Variants in SDK1 observed in about 807,000 individuals in gnomAD.
SDK1 encodes protein sidekick-1.
A neutral mutation model predicts 245.5 loss-of-function variants in SDK1; 157 were observed. The ratio of observed to expected loss-of-function variants is 0.64; its 90% CI spans 0.56 to 0.73. SDK1 has a LOEUF of 0.73. SDK1 is among the 30% of genes least tolerant of loss of function. The pLI is 0.00. For synonymous variants in SDK1, 1,647 were observed against 1,278.5 expected, an observed-to-expected ratio of 1.29 and a Z score of -6.15; for missense variants, 3,583 against 3,002.3, an observed-to-expected ratio of 1.19 and a Z score of -4.52.
intron 1 of SDK1, among the ~76,000 whole-genome samples, chr7:3,402,181 A>G (rs189659296): frequency 6.6e-6 from 1 of 152,322 alleles, no homozygotes; most frequent in East Asian, 1.9e-4. Flanking sequence ...GTGGCTCAGT[A>G]TCCTGCACTC....
intron 40 of SDK1, among the ~76,000 whole-genome samples, chr7:4,229,663 G>T (rs150967204): frequency 2.0e-5 from 3 of 152,048 alleles, no homozygotes; most frequent in Non-Finnish European, 4.4e-5. Context: ...GAGGTGTTCA[G>T]ACCTTCTCAG....
Position 3,647,138 on chromosome 7 carries a change from C to T in SDK1, c.713+5033C>T, listed in dbSNP as rs374068634. Among the ~76,000 whole-genome samples the T allele has an allele frequency of 2.6e-5, 4 of 152,302 alleles. 1 individual carries two copies. Among genetic ancestry groups the T allele is most frequent in the African/African-American group, 2.4e-5 (1 of 41,572 alleles). ...TGGTGGCTCACACCTGTACTCCCAG[C>T]GCTCTGGGAGGCCAAAGCAGGAGGA... On this transcript the variant is annotated intron_variant, in intron 4 of 44. Coordinates refer to ENST00000404826, the MANE Select transcript of SDK1 (RefSeq NM_152744.4).
At position 4,233,317 on chromosome 7, in the gene SDK1, A is replaced by C; in HGVS notation, c.5890A>C (p.Ser1964Arg). 1 of 1,613,984 alleles carries C rather than the reference A, an allele frequency of 6.2e-7. No individual in the cohort carries two copies. The highest frequency in any genetic ancestry group is 8.5e-7 in the Non-Finnish European group (1 of 1,180,026). The change falls in exon 41 of 45, where the codon AGC becomes CGC. Residue 1964 changes from serine (S) to arginine (R), a missense_variant. Ser to Arg is a moderately radical substitution (Grantham distance 110, BLOSUM62 -1). Coordinates refer to ENST00000404826, the MANE Select transcript of SDK1 (RefSeq NM_152744.4). The part of the protein sequence containing the change: ...IPRSATSYTL[S>R]LDKLRQGVTY... ...GCGGAGCGCCACATCCTACACCCTC[A>C]GCCTGGATAAGCTCCGGCAAGGAGT... is the stretch of plus-strand genomic sequence containing the variant.
intron 4 of SDK1, among the ~76,000 whole-genome samples, chr7:3,659,744 G>A (rs976871479): frequency 7.2e-5 from 11 of 152,184 alleles, no homozygotes; most frequent in East Asian, 1.9e-4. Context: ...AAGGAGAAGC[G>A]GAGAGAATAC....
chr7:3,702,689 G>T (rs1178459293), intron 4 of SDK1, among the ~76,000 whole-genome samples: 4 of 152,192 alleles, frequency 2.6e-5, no homozygotes, highest in Admixed American at 6.5e-5. Context: ...TGTTCCCCAT[G>T]TTGGACTAGT....
chr7:4,172,423 G>A (rs762211270), intron 32 of SDK1, among the ~76,000 whole-genome samples: 2 of 152,178 alleles, frequency 1.3e-5, no homozygotes, highest in Non-Finnish European at 2.9e-5. Flanking sequence ...CCATTCTGTC[G>A]GAGAGCCTGG....
At chr7:3,685,133 A>G (rs970034379) in intron 4 of SDK1, among the ~76,000 whole-genome samples, 2 of 152,166 alleles carry the variant, frequency 1.3e-5, no homozygotes, top group Non-Finnish European at 2.9e-5. Context: ...TAAATTCGGG[A>G]AGCTGAGTGA....
intron 5 of SDK1, among the ~76,000 whole-genome samples, chr7:3,888,177 G>T (rs544656869): frequency 6.6e-5 from 10 of 152,352 alleles, no homozygotes; most frequent in Non-Finnish European, 2.9e-5. Context: ...GGCTGGCACA[G>T]ACTCCATTTG....
intron 4 of SDK1, among the ~76,000 whole-genome samples, chr7:3,644,802 A>AAAAAAAAAAAACAG (rs1297841435): frequency 6.8e-5 from 9 of 133,056 alleles, no homozygotes; most frequent in Non-Finnish European, 9.5e-5. Context: ...ACAAAAAACA[A>AAAAAAAAAAAACAG]CAACAACGGC....
At chr7:4,124,880 A>C (rs1373574571) in intron 25 of SDK1, among the ~76,000 whole-genome samples, 3 of 150,150 alleles carry the variant, frequency 2.0e-5, no homozygotes, top group Non-Finnish European at 3.0e-5. Context: ...TGGATGGTAG[A>C]TGAATGGATG....
chr7:4,233,231 C>T, intron 40 of SDK1, 24 bp from the exon 41 acceptor site: 17 of 1,604,898 alleles, frequency 1.1e-5, no homozygotes, highest in Non-Finnish European at 1.4e-5. Context: ...AACCTCTGCT[C>T]TCGCCTCCCC....
intron 44 of SDK1, among the ~76,000 whole-genome samples, chr7:4,251,742 C>A (rs999979003): frequency 2.0e-5 from 3 of 152,224 alleles, no homozygotes; most frequent in African/African-American, 7.2e-5. Flanking sequence ...TTCCCAGATG[C>A]CAACCAAGGG....
At chr7:3,720,911 A>G (rs1366034540) in intron 4 of SDK1, among the ~76,000 whole-genome samples, 1 of 152,262 alleles carries the variant, frequency 6.6e-6, no homozygotes, top group Non-Finnish European at 1.5e-5. Flanking sequence ...CACATCGCTC[A>G]TAATAAGAAG....
chr7:3,741,565 A>C (rs1347191218), intron 4 of SDK1, among the ~76,000 whole-genome samples: 1 of 152,188 alleles, frequency 6.6e-6, no homozygotes, highest in African/African-American at 2.4e-5. Context: ...AGTTTGCCCT[A>C]ATTAACTTTA....
At chr7:3,971,219 C>G (rs1562594831) in intron 11 of SDK1, among the ~76,000 whole-genome samples, 1 of 152,060 alleles carries the variant, frequency 6.6e-6, no homozygotes, top group Non-Finnish European at 1.5e-5. Context: ...CAGTTACTTC[C>G]ATGGTGTTTG....
chr7:3,847,734 G>C (rs1406743022), intron 5 of SDK1, among the ~76,000 whole-genome samples: 1 of 152,234 alleles, frequency 6.6e-6, no homozygotes. Context: ...GCAAATAGTT[G>C]CAAGGAATAT....
chr7:3,623,071 T>G (rs1214061526), intron 2 of SDK1, among the ~76,000 whole-genome samples: 1 of 152,188 alleles, frequency 6.6e-6, no homozygotes, highest in Non-Finnish European at 1.5e-5. Flanking sequence ...AAAAGGTAGT[T>G]GTTTCCCACC....
intron 4 of SDK1, among the ~76,000 whole-genome samples, chr7:3,744,764 A>G (rs1779570414): frequency 6.6e-6 from 1 of 152,106 alleles, no homozygotes; most frequent in Non-Finnish European, 1.5e-5. Flanking sequence ...GTGAGCGGAG[A>G]TCACACCAAT....
chr7:3,525,000 G>C (rs930413203), intron 1 of SDK1, among the ~76,000 whole-genome samples: 1 of 152,194 alleles, frequency 6.6e-6, no homozygotes, highest in East Asian at 1.9e-4. Context: ...TCAGAAATAG[G>C]TGGAAAAAAA....
Sources: gnomAD v4.1 joint callset for allele counts (sites outside exome capture counted in the v4.1 genomes callset) on GRCh38, gnomAD v4.1.1 for gene constraint, MANE v1.5 for transcripts, NCBI Gene and HGNC (gene_info 2026-07-23, HGNC 2026-07-21) for gene names.